CCN6: variants seen among roughly 807,000 people sequenced by gnomAD.
CCN6 encodes cellular communication network factor 6, also known as CCN family member 6.
A neutral mutation model predicts 37.4 loss-of-function variants in CCN6; 31 were observed. That is an observed-to-expected ratio of 0.83 (90% CI 0.62 to 1.12). The LOEUF (loss-of-function observed/expected upper bound fraction) is 1.12, where lower values mean the gene tolerates loss of function less well. Ranked by LOEUF, CCN6 falls within the 50% of genes most tolerant of loss-of-function variation. The probability of loss-of-function intolerance (pLI) is 0.00; values close to 1 mark genes in which losing one functional copy is unlikely to be tolerated. For missense variants in CCN6, 369 were observed against 413.8 expected (o/e 0.89, Z 0.94); for synonymous variants, 137 against 142.1 (o/e 0.96, Z 0.26).
intron 1 of CCN6, among the ~76,000 whole-genome samples, chr6:112,056,758 C>A (rs952924697): frequency 3.3e-5 from 5 of 152,178 alleles, no homozygotes; most frequent in Non-Finnish European, 7.3e-5. Flanking sequence ...CTCAAGTGAT[C>A]CACCTGCCTC....
chr6:112,069,634 G>A lies in CCN6; in HGVS notation c.*14G>A. On this transcript the variant is annotated 3_prime_UTR_variant, in exon 5 of 5. Transcript: ENST00000368666. The stretch of plus-strand genomic sequence containing the variant: ...AAGATTCTGTAAAACCAAGCAAATG[G>A]GGGAAAAGTTAGTCAATCCTGTCAT... The A allele has an allele frequency of 6.2e-7, 1 of 1,613,336 alleles. No homozygotes were observed. Among genetic ancestry groups the A allele is most frequent in the Non-Finnish European group, 8.5e-7 (1 of 1,179,700 alleles).
chr6:112,059,082 G>A (rs189639638), intron 1 of CCN6, among the ~76,000 whole-genome samples: 121 of 152,322 alleles, frequency 7.9e-4, no homozygotes, highest in Middle Eastern at 3.4e-3. Flanking sequence ...CTGGGTTGCA[G>A]TATGATTTGG....
intron 4 of CCN6, among the ~76,000 whole-genome samples, chr6:112,068,765 G>A (rs1307399897): frequency 2.6e-5 from 4 of 151,918 alleles, no homozygotes; most frequent in African/African-American, 9.7e-5. Context: ...TGCTTACATA[G>A]TAAACTTGCT....
rs1562597599 is a variant in CCN6 at position 112,065,601 on chromosome 6, A to ACACACGCGC, written c.589+604_589+605insCACACGCGC. ...AAACACACACACGCACACACACACA[A>ACACACGCGC]ACACACACGCACACACACACGCACG... is the stretch of plus-strand genomic sequence containing the variant. On this transcript the variant is annotated intron_variant, in intron 3 of 4. Coordinates refer to ENST00000368666, the MANE Select transcript of CCN6 (RefSeq NM_198239.2). 6.8e-3 allele frequency among the ~76,000 whole-genome samples: 986 copies of ACACACGCGC among 144,222 alleles called. 8 individuals are homozygous for ACACACGCGC. The highest frequency in any genetic ancestry group is 0.024 in the African/African-American group (945 of 39,568). 94.6% of individuals were successfully genotyped at this position (144,222 alleles called of 152,430 possible).
Position 112,064,765 on chromosome 6 carries a change from T to A in CCN6, c.357T>A (p.Ala119=), listed in dbSNP as rs1184420428. ...YETGVCAYLV[A]VGCEFNQVHY... Reference sequence around the variant, plus strand: ...CTTTTCTCTTTTCAGACCTTGTAGCTGTTGGGTGCGAGTTCAACCAGGTAC... The same window carrying A: ...CTTTTCTCTTTTCAGACCTTGTAGCAGTTGGGTGCGAGTTCAACCAGGTAC... The change falls in exon 3 of 5, where the codon GCT becomes GCA. Residue 119 remains alanine, a synonymous_variant. Transcript: ENST00000368666. The A allele has an allele frequency of 1.1e-5, 17 of 1,614,072 alleles. No homozygotes were observed. The highest frequency in any genetic ancestry group is 1.4e-5 in the Non-Finnish European group (17 of 1,179,930).
rs112497332 is a variant in CCN6 at position 112,060,679 on chromosome 6, G to A, written c.49-312G>A. Among the ~76,000 whole-genome samples the A allele has an allele frequency of 8.7e-3, 1,317 of 152,190 alleles. 14 individuals are homozygous for A. The highest frequency in any genetic ancestry group is 0.03 in the African/African-American group (1,257 of 41,508). On this transcript the variant is annotated intron_variant, in intron 1 of 4. Coordinates refer to ENST00000368666, the MANE Select transcript of CCN6 (RefSeq NM_198239.2). ...ATATAGTGAGGGAAGATACTTTAGA[G>A]GCCTTATCCATGGGGCTCTGAGGTT...
intron 1 of CCN6, among the ~76,000 whole-genome samples, chr6:112,056,953 T>C (rs943949861): frequency 2.0e-5 from 3 of 152,202 alleles, no homozygotes; most frequent in Non-Finnish European, 4.4e-5. Context: ...TCATTTTTCA[T>C]GTAATTCAGT....
chr6:112,064,764 C>T lies in CCN6; in HGVS notation c.356C>T (p.Ala119Val). The change falls in exon 3 of 5, where the codon GCT becomes GTT. Residue 119 changes from alanine to valine, a missense_variant. By Grantham distance (64) the Ala-to-Val change is moderately conservative. Transcript: ENST00000368666. ...TCTTTTCTCTTTTCAGACCTTGTAG[C>T]TGTTGGGTGCGAGTTCAACCAGGTA... ...YETGVCAYLV[A>V]VGCEFNQVHY... is the part of the protein sequence containing the mutation. 1 of 1,614,038 alleles carries T rather than the reference C, an allele frequency of 6.2e-7. No individual in the cohort carries two copies.
intron 2 of CCN6, among the ~76,000 whole-genome samples, chr6:112,064,433 T>G (rs1554313455): frequency 6.6e-6 from 1 of 152,224 alleles, no homozygotes; most frequent in Non-Finnish European, 1.5e-5. Context: ...GTTGGATGTC[T>G]GAGAAAACCT....
At chr6:112,067,974 A>G (rs1418872977) in intron 3 of CCN6, among the ~76,000 whole-genome samples, 1 of 152,112 alleles carries the variant, frequency 6.6e-6, no homozygotes, top group Non-Finnish European at 1.5e-5. Context: ...TTCAAAGATA[A>G]AGTATTTTTA....
At chr6:112,061,311 G>T in intron 2 of CCN6, 23 bp downstream of exon 2, 1 of 1,613,976 alleles carries the variant, frequency 6.2e-7, no homozygotes, top group African/African-American at 1.3e-5. Flanking sequence ...TTCTGGACCT[G>T]CTGGAAAAGA....
At chr6:112,062,919 G>A (rs1207935355) in intron 2 of CCN6, among the ~76,000 whole-genome samples, 2 of 151,658 alleles carry the variant, frequency 1.3e-5, no homozygotes, top group Non-Finnish European at 2.9e-5. Context: ...GGTTTTATGT[G>A]GGTTTTATCA....
chr6:112,061,578 T>A (rs1280022293), intron 2 of CCN6, among the ~76,000 whole-genome samples: 2 of 152,228 alleles, frequency 1.3e-5, no homozygotes, highest in Non-Finnish European at 2.9e-5. Flanking sequence ...AGAGTCTGAC[T>A]TTTTAAAGAG....
chr6:112,068,771 T>C (rs1293946770), intron 4 of CCN6, among the ~76,000 whole-genome samples: 1 of 152,158 alleles, frequency 6.6e-6, no homozygotes, highest in Non-Finnish European at 1.5e-5. Context: ...CATAGTAAAC[T>C]TGCTAAAACA....
chr6:112,054,551 T>C, intron 1 of CCN6, 146 bp downstream of exon 1: 1 of 749,438 alleles, frequency 1.3e-6, no homozygotes, highest in South Asian at 1.5e-5. Flanking sequence ...GAAGCCATTT[T>C]TCTTTCCAAA....
chr6:112,062,237 A>G (rs1776548096), intron 2 of CCN6, among the ~76,000 whole-genome samples: 1 of 152,226 alleles, frequency 6.6e-6, no homozygotes, highest in Non-Finnish European at 1.5e-5. Context: ...GGGAGGATCA[A>G]ATAAAATAAT....
intron 1 of CCN6, among the ~76,000 whole-genome samples, chr6:112,059,570 C>T (rs781903054): frequency 6.6e-6 from 1 of 152,176 alleles, no homozygotes; most frequent in South Asian, 2.1e-4. Flanking sequence ...CTTGGGCCCA[C>T]CTGGATAATC....
At chr6:112,062,584 G>A (rs192798438) in intron 2 of CCN6, among the ~76,000 whole-genome samples, 2 of 152,376 alleles carry the variant, frequency 1.3e-5, no homozygotes, top group East Asian at 1.9e-4. Context: ...CACGAGGATA[G>A]GAATGGGGAT....
chr6:112,061,185 A>T lies in CCN6; in HGVS notation c.243A>T (p.Gln81His). The T allele has an allele frequency of 6.2e-7, 1 of 1,614,214 alleles. No individual in the cohort carries two copies. The highest frequency in any genetic ancestry group is 1.1e-5 in the South Asian group (1 of 91,084). Residue 81 changes from glutamine to histidine, a missense_variant, in exon 2 of 5, where the codon CAA becomes CAT. Gln to His is a conservative substitution (Grantham distance 24). Transcript: ENST00000368666. Reference sequence around the variant, plus strand: ...GATGCTGTAAAATCTGTGCCAAGCAACCAGGGGAAATCTGCAATGAAGCTG... The same window carrying T: ...GATGCTGTAAAATCTGTGCCAAGCATCCAGGGGAAATCTGCAATGAAGCTG... ...GCGCCKICAK[Q>H]PGEICNEADL...
Sources: allele counts gnomAD v4.1 joint callset (sites outside exome capture counted in the v4.1 genomes callset), GRCh38; gene constraint gnomAD v4.1.1; transcripts MANE v1.5; gene names NCBI Gene and HGNC (gene_info 2026-07-23, HGNC 2026-07-21).